SYAP1: variants seen among roughly 807,000 people sequenced by gnomAD.
SYAP1 encodes synapse associated protein 1, also known as synapse-associated protein 1.
In SYAP1, 3 loss-of-function variants were observed where a neutral mutation model predicts 29.6. The observed-to-expected ratio is 0.10, with a 90% confidence interval of 0.05 to 0.26. The LOEUF is 0.26. SYAP1 is among the 10% of genes least tolerant of loss of function. The probability of loss-of-function intolerance (pLI) is 1.00; values close to 1 mark genes in which losing one functional copy is unlikely to be tolerated. For missense variants in SYAP1, 217 were observed against 264.1 expected (o/e 0.82, Z 1.24); for synonymous variants, 102 against 102.7 (o/e 0.99, Z 0.04).
chrX:16,731,300 CTAAT>C lies in SYAP1; in HGVS notation c.176-3924_176-3921del, dbSNP rs199926967. Among the ~76,000 whole-genome samples, 962 of 111,588 alleles carry C rather than the reference CTAAT, an allele frequency of 8.6e-3. 11 individuals carry two copies. Among genetic ancestry groups the C allele is most frequent in the African/African-American group, 0.03 (909 of 30,779 alleles). The stretch of plus-strand genomic sequence containing the variant: ...GTTATGAGTATCCCATTACATTTAT[CTAAT>C]TATTTATTTTAATCATTTACCTAGA... On this transcript the variant is annotated intron_variant, in intron 1 of 8. Coordinates refer to ENST00000380155, the MANE Select transcript of SYAP1 (RefSeq NM_032796.4).
intron 8 of SYAP1, among the ~76,000 whole-genome samples, 180 bp downstream of exon 8, chrX:16,757,489 G>C (rs1926869203): frequency 9.0e-6 from 1 of 110,823 alleles, no homozygotes; most frequent in Admixed American, 9.8e-5. Context: ...GGGAGGCCGA[G>C]GCGGGCAGAT....
intron 8 of SYAP1, among the ~76,000 whole-genome samples, chrX:16,757,984 T>C (rs1602337972): frequency 2.7e-5 from 3 of 111,462 alleles, no homozygotes; most frequent in African/African-American, 9.8e-5. Flanking sequence ...TGGAAGATTC[T>C]TTTCCCAGCT....
chrX:16,726,950 C>T (rs1242814819), intron 1 of SYAP1, among the ~76,000 whole-genome samples: 1 of 110,814 alleles, frequency 9.0e-6, no homozygotes, highest in Non-Finnish European at 1.9e-5. Flanking sequence ...TCAGTGATTT[C>T]CAAATAGGAA....
Position 16,762,964 on chromosome X carries a change from G to GTTA in SYAP1, c.*2607_*2608insATT, listed in dbSNP as rs1309982916. 9.0e-6 allele frequency: 1 copy of GTTA among 111,476 alleles called. No individual in the cohort carries two copies. Among genetic ancestry groups the GTTA allele is most frequent in the Non-Finnish European group, 1.9e-5 (1 of 53,133 alleles). The allele number at this position is 111,476 out of a possible 1,213,427, so 9.2% of individuals were successfully genotyped here. A position where few individuals can be genotyped will look rare whatever the true frequency, so the allele number is the denominator to read the frequency against. ...TGGCATTACAGGTGTCTCCTCTGAG[G>GTTA]TTCCAGTTATTTCTATACTACCAAA... On this transcript the variant is annotated 3_prime_UTR_variant, in exon 9 of 9. Coordinates refer to ENST00000380155, the MANE Select transcript of SYAP1 (RefSeq NM_032796.4).
chrX:16,759,929 T>C (rs981749633), intron 8 of SYAP1, among the ~76,000 whole-genome samples: 1 of 112,538 alleles, frequency 8.9e-6, no homozygotes, highest in African/African-American at 3.2e-5. Context: ...GTATTAATTA[T>C]CATTTACCCA....
intron 8 of SYAP1, among the ~76,000 whole-genome samples, chrX:16,757,657 A>G (rs1448823509): frequency 9.0e-6 from 1 of 110,750 alleles, no homozygotes; most frequent in East Asian, 2.8e-4. Context: ...TGGGAGGCGG[A>G]GCTTGCAGTG....
rs1184403889 is a variant in SYAP1, at chrX:16,735,405, G to A, written c.294+60G>A. On this transcript the variant is annotated intron_variant, in intron 2 of 8. Transcript: ENST00000380155. Reference sequence around the variant, plus strand: ...TGAAATTCATTGTTTCCTCTTGATGGTTTCTTCTTCTTATGAACATTTTTT... The same window carrying A: ...TGAAATTCATTGTTTCCTCTTGATGATTTCTTCTTCTTATGAACATTTTTT... The A allele has an allele frequency of 1.6e-5, 12 of 727,485 alleles. No individual in the cohort carries two copies. The Admixed American group carries it at 4.0e-4, about 24-fold the overall frequency. 60.0% of individuals were successfully genotyped at this position (727,485 alleles called of 1,213,427 possible). A position where few individuals can be genotyped will look rare whatever the true frequency, so the allele number is the denominator to read the frequency against.
In SYAP1 at chrX:16,724,249, C is replaced by T. The variant is rs934920627; in HGVS notation, c.175+4350C>T. Among the ~76,000 whole-genome samples, 5 of 112,041 alleles carry T rather than the reference C, an allele frequency of 4.5e-5. No homozygotes were observed. The Admixed American group carries it at 4.8e-4, about 11-fold the overall frequency. On this transcript the variant is annotated intron_variant, in intron 1 of 8. Transcript: ENST00000380155. ...CCTCTAGCAAGGAGTTGTGACAACACGTGTGAGATGCTGTCTTCCAGGGAA... is the reference window on the plus strand; with the variant it reads ...CCTCTAGCAAGGAGTTGTGACAACATGTGTGAGATGCTGTCTTCCAGGGAA...
chrX:16,745,862 G>C (rs1166833607), intron 5 of SYAP1, among the ~76,000 whole-genome samples: 1 of 110,693 alleles, frequency 9.0e-6, no homozygotes, highest in Non-Finnish European at 1.9e-5. Flanking sequence ...GTGTTTTTAT[G>C]TATGTAATTC....
chrX:16,759,097 C>A (rs191900181), intron 8 of SYAP1, among the ~76,000 whole-genome samples: 1,090 of 107,582 alleles, frequency 0.01, 15 homozygotes, highest in African/African-American at 0.035. Flanking sequence ...GAGGCTGAGG[C>A]AGCAGAATGG....
intron 5 of SYAP1, 54 bp downstream of exon 5, chrX:16,743,894 T>C (rs1926535995): frequency 3.4e-6 from 4 of 1,163,018 alleles, no homozygotes; most frequent in Non-Finnish European, 4.7e-6. Context: ...GTGCTCAGTA[T>C]CAGCACATAA....
chrX:16,752,258 G>GT (rs1435566603), intron 5 of SYAP1, among the ~76,000 whole-genome samples: 1 of 108,854 alleles, frequency 9.2e-6, no homozygotes, highest in Admixed American at 1.0e-4. Flanking sequence ...GACTACAGAC[G>GT]TAGGCCACCA....
At position 16,744,848 on chromosome X, in the gene SYAP1, C is replaced by G. The variant is rs773831481; in HGVS notation, c.575+1008C>G. 4.1e-4 allele frequency among the ~76,000 whole-genome samples: 46 copies of G among 111,828 alleles called. 1 individual carries two copies. Among genetic ancestry groups the G allele is most frequent in the African/African-American group, 1.4e-3 (44 of 30,809 alleles). ...GGGCGTAGTGGTGCGCACCTTTAGTCCTAGCTACTCAGGAAGCTGAGGCGG... is the reference window on the plus strand; with the variant it reads ...GGGCGTAGTGGTGCGCACCTTTAGTGCTAGCTACTCAGGAAGCTGAGGCGG... On this transcript the variant is annotated intron_variant, in intron 5 of 8. Coordinates refer to ENST00000380155, the MANE Select transcript of SYAP1 (RefSeq NM_032796.4).
chrX:16,742,835 G>A (rs995501816), intron 4 of SYAP1, among the ~76,000 whole-genome samples: 18 of 108,458 alleles, frequency 1.7e-4, no homozygotes, highest in African/African-American at 5.4e-4. Context: ...GGCTGGTCTC[G>A]AACTCCTGGC....
chrX:16,740,825 A>G (rs1926442421), intron 3 of SYAP1, among the ~76,000 whole-genome samples: 2 of 111,884 alleles, frequency 1.8e-5, no homozygotes, highest in African/African-American at 6.5e-5. Context: ...AATGTCCTTT[A>G]TAACATTTGT....
chrX:16,761,309 A>C lies in SYAP1; in HGVS notation c.*950A>C, dbSNP rs1926981159. 2 of 109,876 alleles carry C rather than the reference A, an allele frequency of 1.8e-5. No individual in the cohort carries two copies. The highest frequency in any genetic ancestry group is 7.7e-4 in the South Asian group (2 of 2,607). 9.1% of individuals were successfully genotyped at this position (109,876 alleles called of 1,213,427 possible). On this transcript the variant is annotated 3_prime_UTR_variant, in exon 9 of 9. Coordinates refer to ENST00000380155, the MANE Select transcript of SYAP1 (RefSeq NM_032796.4). ...AACTATACCAGAAATTTTACATCAC[A>C]GTTTTTATACAAAGTGGGACCTTCC... is the stretch of plus-strand genomic sequence containing the variant.
At chrX:16,745,268 T>C (rs1033907988) in intron 5 of SYAP1, among the ~76,000 whole-genome samples, 4 of 111,678 alleles carry the variant, frequency 3.6e-5, no homozygotes, top group Non-Finnish European at 5.7e-5. Flanking sequence ...TGGCTTGACC[T>C]TGATGTCACA....
intron 4 of SYAP1, among the ~76,000 whole-genome samples, chrX:16,742,763 G>A (rs1926497502): frequency 9.0e-6 from 1 of 110,835 alleles, no homozygotes; most frequent in African/African-American, 3.3e-5. Flanking sequence ...ATAGGCGTAA[G>A]CCACCATGCC....
At chrX:16,725,908 G>A (rs1224008577) in intron 1 of SYAP1, among the ~76,000 whole-genome samples, 1 of 111,928 alleles carries the variant, frequency 8.9e-6, no homozygotes, top group African/African-American at 3.2e-5. Flanking sequence ...TTCAAAATAT[G>A]TTTCTGAGGA....
Sources: allele counts gnomAD v4.1 joint callset (sites outside exome capture counted in the v4.1 genomes callset), GRCh38; gene constraint gnomAD v4.1.1; transcripts MANE v1.5; gene names NCBI Gene and HGNC (gene_info 2026-07-23, HGNC 2026-07-21).